The following GRM7 variants were observed in gnomAD, a reference collection of about 807,000 sequenced individuals.
The protein encoded by GRM7 is metabotropic glutamate receptor 7.
GRM7 carries 35 observed loss-of-function variants against 84.5 expected under a neutral mutation model. The ratio of observed to expected loss-of-function variants is 0.41; its 90% CI spans 0.32 to 0.55. The LOEUF is 0.55. Ranked by LOEUF, GRM7 falls within the 20% of genes least tolerant of loss-of-function variation. The probability of loss-of-function intolerance (pLI) is 0.19; values close to 1 mark genes in which losing one functional copy is unlikely to be tolerated. For synonymous variants in GRM7, 487 were observed against 455.1 expected (o/e 1.07, Z -0.89); for missense variants, 1,003 against 1,194.6 (o/e 0.84, Z 2.36).
chr3:7,054,087 T>A (rs1697118096), intron 1 of GRM7, among the ~76,000 whole-genome samples: 1 of 150,832 alleles, frequency 6.6e-6, no homozygotes, highest in Non-Finnish European at 1.5e-5. Context: ...TATAAGTATT[T>A]TCATTTTAAT....
chr3:6,979,380 G>A lies in GRM7; in HGVS notation c.519+117473G>A, dbSNP rs572163744. Among the ~76,000 whole-genome samples the A allele has an allele frequency of 1.6e-4, 25 of 152,258 alleles. No individual in the cohort carries two copies. The South Asian group carries it at 4.6e-3, about 28-fold the overall frequency. ...GGGGAGGACATTTGGTATCTCTGGT[G>A]TTCACCATGACGCTTAGAAACTTAG... On this transcript the variant is annotated intron_variant, in intron 1 of 9. Coordinates refer to ENST00000357716, the MANE Select transcript of GRM7 (RefSeq NM_000844.4).
intron 9 of GRM7, among the ~76,000 whole-genome samples, chr3:7,734,827 C>G (rs1702450697): frequency 6.6e-6 from 1 of 152,130 alleles, no homozygotes; most frequent in Non-Finnish European, 1.5e-5. Context: ...ATGTGCTAAA[C>G]TGAGTAGTAA....
intron 2 of GRM7, among the ~76,000 whole-genome samples, chr3:7,238,714 C>T (rs1697433909): frequency 1.3e-5 from 2 of 152,032 alleles, no homozygotes; most frequent in South Asian, 4.1e-4. Flanking sequence ...CAACACACAT[C>T]TAGCCCTTTC....
rs141726870 is a variant in GRM7 at position 7,130,763 on chromosome 3, A to G, written c.520-15689A>G. ...TCAGTCATGGTAATTGGAAGATGAT[A>G]TGGTGGCAGGTGATGTGATAGCAAA... On this transcript the variant is annotated intron_variant, in intron 1 of 9. Coordinates refer to ENST00000357716, the MANE Select transcript of GRM7 (RefSeq NM_000844.4). 2.5e-3 allele frequency among the ~76,000 whole-genome samples: 377 copies of G among 152,224 alleles called. 1 individual carries two copies. Among genetic ancestry groups the G allele is most frequent in the African/African-American group, 8.6e-3 (358 of 41,546 alleles).
At chr3:7,375,966 A>G (rs1240621402) in intron 4 of GRM7, among the ~76,000 whole-genome samples, 1 of 152,118 alleles carries the variant, frequency 6.6e-6, no homozygotes. Flanking sequence ...GAAAGCATAT[A>G]TTTCACTTGC....
chr3:7,682,611 A>G (rs1017239224), intron 9 of GRM7, among the ~76,000 whole-genome samples: 1 of 152,056 alleles, frequency 6.6e-6, no homozygotes, highest in African/African-American at 2.4e-5. Context: ...AGCAGAAAAC[A>G]TAATTGGAGG....
chr3:7,563,438 C>T (rs1694116777), intron 7 of GRM7, among the ~76,000 whole-genome samples: 1 of 152,034 alleles, frequency 6.6e-6, no homozygotes. Flanking sequence ...GATAATGGCC[C>T]TACTTTTCAA....
chr3:7,517,215 T>A (rs1006078287), intron 7 of GRM7, among the ~76,000 whole-genome samples: 3 of 152,198 alleles, frequency 2.0e-5, no homozygotes, highest in Non-Finnish European at 4.4e-5. Context: ...CAGAGAAGTT[T>A]TGGTCATTTA....
At chr3:7,141,516 T>C (rs1268084348) in intron 1 of GRM7, among the ~76,000 whole-genome samples, 2 of 152,086 alleles carry the variant, frequency 1.3e-5, no homozygotes, top group Non-Finnish European at 2.9e-5. Context: ...CAAATTTATT[T>C]ATAGCTATAC....
chr3:7,665,219 G>A (rs1008321390), intron 8 of GRM7, among the ~76,000 whole-genome samples: 7 of 148,988 alleles, frequency 4.7e-5, no homozygotes, highest in South Asian at 2.1e-4. Flanking sequence ...TGGCCCAGGC[G>A]GGAGTGCAGT....
intron 4 of GRM7, among the ~76,000 whole-genome samples, chr3:7,371,753 CT>C (rs1694146187): frequency 6.6e-6 from 1 of 152,112 alleles, no homozygotes; most frequent in Non-Finnish European, 1.5e-5. Flanking sequence ...AGGTTTGTGA[CT>C]TGAACAGCCC....
chr3:7,711,495 GAGA>G (rs1433501540), intron 9 of GRM7, among the ~76,000 whole-genome samples: 3 of 152,178 alleles, frequency 2.0e-5, no homozygotes, highest in Non-Finnish European at 2.9e-5. Flanking sequence ...AGCTGGCAGT[GAGA>G]AGAATTCAGT....
chr3:6,998,909 G>T (rs1218024569), intron 1 of GRM7, among the ~76,000 whole-genome samples: 1 of 152,174 alleles, frequency 6.6e-6, no homozygotes, highest in Non-Finnish European at 1.5e-5. Flanking sequence ...GTCTGTGATG[G>T]AGAAGCTGCC....
At chr3:7,092,990 G>C (rs2125010954) in intron 1 of GRM7, among the ~76,000 whole-genome samples, 1 of 152,220 alleles carries the variant, frequency 6.6e-6, no homozygotes, top group South Asian at 2.1e-4. Flanking sequence ...GACTGAGGTA[G>C]GAGGATTCCT....
intron 1 of GRM7, among the ~76,000 whole-genome samples, chr3:7,077,371 T>A (rs888061040): frequency 3.9e-5 from 6 of 152,012 alleles, no homozygotes; most frequent in African/African-American, 1.5e-4. Context: ...GGCACATATA[T>A]ACCATGGAAT....
intron 1 of GRM7, among the ~76,000 whole-genome samples, chr3:6,868,802 G>C (rs1695021234): frequency 6.6e-6 from 1 of 152,132 alleles, no homozygotes; most frequent in African/African-American, 2.4e-5. Flanking sequence ...GTGGAGGGAA[G>C]GGTAGGAGAG....
intron 5 of GRM7, among the ~76,000 whole-genome samples, chr3:7,447,400 A>G (rs1697563535): frequency 6.6e-6 from 1 of 152,176 alleles, no homozygotes; most frequent in South Asian, 2.1e-4. Flanking sequence ...GTAAATGGGT[A>G]TATGAATAAG....
At chr3:6,892,751 A>C (rs528235411) in intron 1 of GRM7, 8 of 152,370 alleles carry the variant, frequency 5.3e-5, no homozygotes, top group African/African-American at 1.9e-4. Flanking sequence ...GCAACCCAAC[A>C]GCCCTCTGTG....
chr3:7,550,607 G>T (rs1693420413), intron 7 of GRM7, among the ~76,000 whole-genome samples: 1 of 143,820 alleles, frequency 7.0e-6, no homozygotes, highest in Non-Finnish European at 1.5e-5. Flanking sequence ...GTGTGTGTGT[G>T]TGTGTGTGTG....
Sources: gnomAD v4.1 joint callset for allele counts (sites outside exome capture counted in the v4.1 genomes callset) on GRCh38, gnomAD v4.1.1 for gene constraint, MANE v1.5 for transcripts, NCBI Gene and HGNC (gene_info 2026-07-23, HGNC 2026-07-21) for gene names.